Variants in ZDHHC21 observed in about 807,000 individuals in gnomAD.
ZDHHC21 encodes zDHHC palmitoyltransferase 21.
ZDHHC21 carries 15 observed loss-of-function variants against 34.6 expected under a neutral mutation model. The observed-to-expected ratio is 0.43, with a 90% CI of 0.29 to 0.67. The LOEUF (loss-of-function observed/expected upper bound fraction) is 0.67. ZDHHC21 is among the 30% of genes least tolerant of loss of function. The pLI is 0.14. For synonymous variants in ZDHHC21, 142 were observed against 101.8 expected (o/e 1.40, Z -2.38); for missense variants, 344 against 327.7 (o/e 1.05, Z -0.38).
At chr9:14,611,001 T>G (rs960078269), downstream of ZDHHC21, 1 of 152,010 alleles carries the variant, frequency 6.6e-6, no homozygotes, top group African/African-American at 2.4e-5. Context: ...CCTATTACAT[T>G]GGTAGTGCTG....
rs181050330 is a variant in ZDHHC21, at chr9:14,613,763, G to A, written c.*5203C>T. 1.3e-5 allele frequency: 2 copies of A among 151,670 alleles called. No individual in the cohort carries two copies. The highest frequency in any genetic ancestry group is 3.0e-5 in the Non-Finnish European group (2 of 67,738). The allele number at this position is 151,670 out of a possible 1,614,324, so 9.4% of individuals were successfully genotyped here. A position where few individuals can be genotyped will look rare whatever the true frequency, so the allele number is the denominator to read the frequency against. On this transcript the variant is annotated 3_prime_UTR_variant, in exon 10 of 10. Coordinates refer to ENST00000380916, the MANE Select transcript of ZDHHC21 (RefSeq NM_178566.6). ...ATATATTGTTTATTTTTCCTCTGGT[G>A]ACAAAATTTTCTATACACTCAGTAT... is the stretch of plus-strand genomic sequence containing the variant.
chr9:14,605,978 T>C, the ZDHHC21 span, among the ~76,000 whole-genome samples: 3 of 152,118 alleles, frequency 2.0e-5, no homozygotes, highest in African/African-American at 7.2e-5. Context: ...GGCATAATAG[T>C]TAAAAAAACA....
At chr9:14,688,777 G>A (rs1051366613) in intron 2 of ZDHHC21, among the ~76,000 whole-genome samples, 5 of 152,196 alleles carry the variant, frequency 3.3e-5, no homozygotes, top group Non-Finnish European at 7.3e-5. Context: ...CAGGAGAATT[G>A]CTTGAACCCG....
the ZDHHC21 span, chr9:14,590,139 A>G: frequency 3.3e-5 from 5 of 152,232 alleles, 1 homozygote; most frequent in African/African-American, 1.2e-4. Flanking sequence ...GATGAAAAAT[A>G]CAATATCTAA....
At chr9:14,652,749 T>TA (rs1436393560) in intron 7 of ZDHHC21, among the ~76,000 whole-genome samples, 4 of 152,116 alleles carry the variant, frequency 2.6e-5, no homozygotes, top group Admixed American at 1.3e-4. Context: ...AGTTTTCTAC[T>TA]GAATACAGGT....
rs527554683 is a variant in ZDHHC21 at position 14,644,819 on chromosome 9, TAC to T, written c.505-4809_505-4808del. Among the ~76,000 whole-genome samples the T allele has an allele frequency of 8.4e-4, 120 of 142,614 alleles. 1 individual carries two copies. Among genetic ancestry groups the T allele is most frequent in the Middle Eastern group, 3.6e-3 (1 of 278 alleles). The allele number at this position is 142,614 out of a possible 152,430, so 93.6% of individuals were successfully genotyped here. A position where few individuals can be genotyped will look rare whatever the true frequency, so the allele number is the denominator to read the frequency against. ...ATATATATACACACATACATATGTA[TAC>T]ACACACACACACACACATATATATA... On this transcript the variant is annotated intron_variant, in intron 7 of 9. Transcript: ENST00000380916.
At position 14,674,355 on chromosome 9, in the gene ZDHHC21, A is replaced by AAG. The variant is rs1835980016; in HGVS notation, c.-16_-15insCT. ...CGGAGACCCATTTTGCAATCTTATA[A>AAG]CTGCCTGCTAACCCACAAGGAAGGA... On this transcript the variant is annotated 5_prime_UTR_variant, in exon 4 of 10. It removes the in-frame stop codon of an upstream open reading frame in the 5' UTR. Coordinates refer to ENST00000380916, the MANE Select transcript of ZDHHC21 (RefSeq NM_178566.6). 6.3e-7 allele frequency: 1 copy of AAG among 1,584,258 alleles called. No individual in the cohort carries two copies. Among genetic ancestry groups the AAG allele is most frequent in the African/African-American group, 1.4e-5 (1 of 72,914 alleles).
chr9:14,636,180 C>T (rs1381419461), intron 8 of ZDHHC21, among the ~76,000 whole-genome samples: 1 of 152,070 alleles, frequency 6.6e-6, no homozygotes, highest in African/African-American at 2.4e-5. Context: ...ACATTCATCT[C>T]ACCTGTAAAG....
chr9:14,641,239 T>G (rs1456807582), intron 7 of ZDHHC21, among the ~76,000 whole-genome samples: 1 of 152,134 alleles, frequency 6.6e-6, no homozygotes, highest in African/African-American at 2.4e-5. Context: ...CATTACTTAT[T>G]CATTAGCCTG....
Position 14,640,015 on chromosome 9 carries a change from AAAAAG to A in ZDHHC21, c.505-8_505-4del. The A allele has an allele frequency of 6.4e-7, 1 of 1,562,452 alleles. No individual in the cohort carries two copies. The highest frequency in any genetic ancestry group is 8.7e-7 in the Non-Finnish European group (1 of 1,145,198). ...TCATGTCTAAAAACAAAGAGGTCCT[AAAAAG>A]AAAAAGAAAGTCTTAAAAACCATTC... On this transcript the variant is annotated splice_region_variant and splice_polypyrimidine_tract_variant and intron_variant, in intron 7 of 9. Coordinates refer to ENST00000380916, the MANE Select transcript of ZDHHC21 (RefSeq NM_178566.6).
intron 5 of ZDHHC21, among the ~76,000 whole-genome samples, chr9:14,663,367 T>C (rs1178384077): frequency 6.6e-6 from 1 of 152,042 alleles, no homozygotes; most frequent in East Asian, 1.9e-4. Flanking sequence ...CCCTAGCACA[T>C]ACTAGGTAGT....
intron 2 of ZDHHC21, among the ~76,000 whole-genome samples, chr9:14,683,316 GAAGAA>G (rs61496719): frequency 0.31 from 46,694 of 151,436 alleles, 7,201 homozygotes; most frequent in South Asian, 0.39. Context: ...GACTAATAAA[GAAGAA>G]AAGAGAGAAG....
At chr9:14,601,736 T>C in the ZDHHC21 span, among the ~76,000 whole-genome samples, 1 of 152,236 alleles carries the variant, frequency 6.6e-6, no homozygotes, top group East Asian at 1.9e-4. Flanking sequence ...GCAAAAACTA[T>C]GAACCAACCC....
intron 7 of ZDHHC21, among the ~76,000 whole-genome samples, chr9:14,658,464 C>T (rs370940032): frequency 0.013 from 827 of 64,890 alleles, no homozygotes; most frequent in Middle Eastern, 0.018. Context: ...ATAAACATTT[C>T]TTTTTTTTTT....
At chr9:14,688,875 A>G (rs12337006) in intron 2 of ZDHHC21, among the ~76,000 whole-genome samples, 27,014 of 151,946 alleles carry the variant, frequency 0.18, 2,649 homozygotes, top group East Asian at 0.36. Flanking sequence ...AACAACAACA[A>G]AAAACGAACA....
chr9:14,657,558 C>A (rs943692248), intron 7 of ZDHHC21, among the ~76,000 whole-genome samples: 1 of 152,126 alleles, frequency 6.6e-6, no homozygotes, highest in Non-Finnish European at 1.5e-5. Context: ...ACAGACCATA[C>A]AGTCTCTGCC....
intron 7 of ZDHHC21, among the ~76,000 whole-genome samples, chr9:14,645,061 T>G (rs1374385969): frequency 6.6e-6 from 1 of 152,004 alleles, no homozygotes; most frequent in East Asian, 1.9e-4. Flanking sequence ...ATCACTATGG[T>G]TTGTGGCTCT....
At position 14,680,128 on chromosome 9, in the gene ZDHHC21, T is replaced by C. The variant is rs1837114945; in HGVS notation, c.-141A>G. ...TTTTTTTTAATTATATCCCACCAAA[T>C]GGATCTCTCTTCAATAACAGTTCTC... is the stretch of plus-strand genomic sequence containing the variant. On this transcript the variant is annotated 5_prime_UTR_variant, in exon 3 of 10. Coordinates refer to ENST00000380916, the MANE Select transcript of ZDHHC21 (RefSeq NM_178566.6). 6.6e-6 allele frequency: 1 copy of C among 152,512 alleles called. No individual in the cohort carries two copies. Among genetic ancestry groups the C allele is most frequent in the African/African-American group, 2.4e-5 (1 of 41,420 alleles). The allele number at this position is 152,512 out of a possible 1,614,324, so 9.4% of individuals were successfully genotyped here. A position where few individuals can be genotyped will look rare whatever the true frequency, so the allele number is the denominator to read the frequency against.
At chr9:14,625,641 C>T (rs534272007) in intron 8 of ZDHHC21, among the ~76,000 whole-genome samples, 2 of 152,004 alleles carry the variant, frequency 1.3e-5, no homozygotes, top group African/African-American at 2.4e-5. Flanking sequence ...AGTGATACTG[C>T]CTACTACCTA....
Sources: allele counts gnomAD v4.1 joint callset (sites outside exome capture counted in the v4.1 genomes callset), GRCh38; gene constraint gnomAD v4.1.1; transcripts MANE v1.5; gene names NCBI Gene and HGNC (gene_info 2026-07-23, HGNC 2026-07-21).